The following SENP7 variants were observed in gnomAD, a reference collection of about 807,000 sequenced individuals.
SENP7 encodes the protein SUMO specific peptidase 7, also known as sentrin-specific protease 7.
SENP7 carries 64 observed loss-of-function variants against 141.2 expected under a neutral mutation model. The observed-to-expected ratio is 0.45, with a 90% confidence interval of 0.37 to 0.56. The LOEUF (loss-of-function observed/expected upper bound fraction) is 0.56. SENP7 is among the 20% of genes least tolerant of loss of function. SENP7 has a pLI of 0.00. For missense variants in SENP7, 1,025 were observed against 1,212.2 expected, an observed-to-expected ratio of 0.85 and a Z score of 2.29; for synonymous variants, 382 against 426.4, an observed-to-expected ratio of 0.90 and a Z score of 1.28.
Position 101,479,071 on chromosome 3 carries a change from T to C in SENP7, c.186+14802A>G, listed in dbSNP as rs114748591. ...ATACCTCAGCAGGATAAAGGTCATA[T>C]ATTACAAATCCACAGCTAACATCAC... On this transcript the variant is annotated intron_variant, in intron 3 of 23. Transcript: ENST00000394095. Among the ~76,000 whole-genome samples the C allele has an allele frequency of 4.8e-3, 738 of 152,274 alleles. 5 individuals carry two copies. The highest frequency in any genetic ancestry group is 0.017 in the African/African-American group (711 of 41,548).
chr3:101,350,256 A>G (rs2059579492), intron 12 of SENP7, among the ~76,000 whole-genome samples: 1 of 152,132 alleles, frequency 6.6e-6, no homozygotes, highest in Non-Finnish European at 1.5e-5. Context: ...TTACTTCTGG[A>G]TTTCTTCTAT....
At chr3:101,451,879 A>T (rs1200353144) in intron 4 of SENP7, among the ~76,000 whole-genome samples, 1 of 152,172 alleles carries the variant, frequency 6.6e-6, no homozygotes, top group Admixed American at 6.5e-5. Context: ...CAGGCAAGAG[A>T]AGGAAATAAA....
At chr3:101,474,497 T>C (rs1446592985) in intron 3 of SENP7, among the ~76,000 whole-genome samples, 2 of 152,188 alleles carry the variant, frequency 1.3e-5, no homozygotes, top group African/African-American at 4.8e-5. Context: ...TGTTGGTATA[T>C]AGGAGTGCTA....
At position 101,366,537 on chromosome 3, in the gene SENP7, C is replaced by A; in HGVS notation, c.1211G>T (p.Gly404Val). 6.2e-7 allele frequency: 1 copy of A among 1,613,756 alleles called. No individual in the cohort carries two copies. Among genetic ancestry groups the A allele is most frequent in the Non-Finnish European group, 8.5e-7 (1 of 1,179,754 alleles). ...VENSNSIDIVGISSLVEKDEN... is the reference protein window; with the variant it reads ...VENSNSIDIVVISSLVEKDEN... Reference sequence around the variant, plus strand: ...ATCCTTCTCAACCAGGGAAGAAATCCCCACAATATCAATGGAATTAGAGTT... The same window carrying A: ...ATCCTTCTCAACCAGGGAAGAAATCACCACAATATCAATGGAATTAGAGTT... The change falls in exon 9 of 24, where the codon GGG becomes GTG. Residue 404 changes from glycine to valine, a missense_variant. Physicochemically the swap from Gly to Val is moderately radical, Grantham distance 109. Around this residue, in one of 4 missense-constraint regions of SENP7, gnomAD observed 496 missense variants for 503.5 expected, o/e 0.99. Transcript: ENST00000394095.
At chr3:101,344,690 T>C (rs2059409298) in intron 13 of SENP7, among the ~76,000 whole-genome samples, 2 of 152,130 alleles carry the variant, frequency 1.3e-5, no homozygotes, top group Admixed American at 1.3e-4. Context: ...TAGGTGCATA[T>C]GGGAAAGTAT....
intron 11 of SENP7, among the ~76,000 whole-genome samples, chr3:101,353,066 G>A (rs1202117842): frequency 6.6e-6 from 1 of 151,852 alleles, no homozygotes; most frequent in African/African-American, 2.4e-5. Context: ...CAAGGAAGTT[G>A]TTATCATTAG....
Position 101,343,807 on chromosome 3 carries a change from G to A in SENP7, c.1985C>T (p.Pro662Leu). ...TTTTGAAGAGAGGTTCTGAAACAAA[G>A]GAAATGCCTGAACCCAAGACAACGG... is the stretch of plus-strand genomic sequence containing the variant. ...SYPLSWVQAF[P>L]LFQNLSSKES... The change falls in exon 14 of 24, where the codon CCT becomes CTT. Residue 662 changes from proline (P) to leucine (L), a missense_variant. This residue lies in a region of SENP7 where 295 missense variants were observed against 459.1 expected (regional missense o/e 0.64). Transcript: ENST00000394095. 6.2e-7 allele frequency: 1 copy of A among 1,613,846 alleles called. No homozygotes were observed. Among genetic ancestry groups the A allele is most frequent in the Non-Finnish European group, 8.5e-7 (1 of 1,179,910 alleles).
At chr3:101,479,281 G>A (rs963537185) in intron 3 of SENP7, among the ~76,000 whole-genome samples, 2 of 152,142 alleles carry the variant, frequency 1.3e-5, no homozygotes, top group Non-Finnish European at 2.9e-5. Flanking sequence ...CAGAAGACAC[G>A]ATCTTATATT....
In SENP7 at chr3:101,327,692, A is replaced by G. The variant is rs368767760; in HGVS notation, c.2989T>C (p.Leu997=). The G allele has an allele frequency of 1.9e-5, 31 of 1,606,780 alleles. No individual in the cohort carries two copies. Among genetic ancestry groups the G allele is most frequent in the Non-Finnish European group, 2.2e-5 (26 of 1,177,282 alleles). ...DNSSDCGVYL[L]QYVESFFKDP... is the part of the protein sequence containing the mutation. ...TTGAAGAAGCTTTCCACATACTGCA[A>G]TAAATATACTCCACAATCACTGCTA... is the stretch of plus-strand genomic sequence containing the variant. The change falls in exon 23 of 24, where the codon TTG becomes CTG. Residue 997 remains leucine, a synonymous_variant. Transcript: ENST00000394095.
intron 4 of SENP7, among the ~76,000 whole-genome samples, chr3:101,435,688 G>A (rs1389217067): frequency 6.6e-6 from 1 of 151,776 alleles, no homozygotes; most frequent in Admixed American, 6.6e-5. Flanking sequence ...TACAATAATA[G>A]CCACATATAA....
At chr3:101,456,383 A>G (rs2063351878) in intron 4 of SENP7, among the ~76,000 whole-genome samples, 1 of 152,164 alleles carries the variant, frequency 6.6e-6, no homozygotes, top group Admixed American at 6.5e-5. Context: ...TTCTTTATTA[A>G]GAAGATGGTG....
chr3:101,367,000 A>G (rs1377635269), intron 8 of SENP7, among the ~76,000 whole-genome samples: 1 of 152,164 alleles, frequency 6.6e-6, no homozygotes, highest in Non-Finnish European at 1.5e-5. Flanking sequence ...AAATTGGGAG[A>G]TTTCCATCAT....
intron 4 of SENP7, among the ~76,000 whole-genome samples, chr3:101,455,980 A>G (rs775834214): frequency 6.6e-6 from 1 of 152,180 alleles, no homozygotes; most frequent in African/African-American, 2.4e-5. Context: ...GCCTGCTCCT[A>G]GCTTAAGACA....
intron 2 of SENP7, among the ~76,000 whole-genome samples, chr3:101,499,535 A>ATTTTTTTTTTTTTTTTTTTT (rs55855998): frequency 9.2e-4 from 127 of 138,756 alleles, no homozygotes; most frequent in Non-Finnish European, 1.2e-3. Context: ...TGCCCAGCTA[A>ATTTTTTTTTTTTTTTTTTTT]TTTTTTTTTT....
chr3:101,476,865 T>C (rs2064239266), intron 3 of SENP7, among the ~76,000 whole-genome samples: 1 of 152,250 alleles, frequency 6.6e-6, no homozygotes, highest in Non-Finnish European at 1.5e-5. Context: ...TGATGAGCTT[T>C]TTTTCATGTT....
intron 3 of SENP7, among the ~76,000 whole-genome samples, chr3:101,484,230 GAC>G (rs2064628446): frequency 6.6e-6 from 1 of 152,160 alleles, no homozygotes; most frequent in Admixed American, 6.5e-5. Flanking sequence ...GCTCTGGAAA[GAC>G]AATGTCAAGA....
chr3:101,339,258 A>G (rs1261402368), intron 16 of SENP7, among the ~76,000 whole-genome samples: 1 of 152,226 alleles, frequency 6.6e-6, no homozygotes, highest in Non-Finnish European at 1.5e-5. Context: ...TAAGATTATA[A>G]TAAATTTGGT....
chr3:101,461,097 A>C (rs140679461), intron 3 of SENP7, among the ~76,000 whole-genome samples: 5 of 151,438 alleles, frequency 3.3e-5, no homozygotes, highest in African/African-American at 9.8e-5. Context: ...CAGTGTCATT[A>C]GTCATTAGGA....
intron 4 of SENP7, 110 bp downstream of exon 4, chr3:101,458,845 T>C: frequency 6.2e-6 from 4 of 640,130 alleles, no homozygotes; most frequent in Non-Finnish European, 1.1e-5. Context: ...AATTCAAACC[T>C]TCTATTTTAA....
Sources: allele counts gnomAD v4.1 joint callset (sites outside exome capture counted in the v4.1 genomes callset), GRCh38; gene constraint gnomAD v4.1.1; regional missense constraint gnomAD v4.1.1; transcripts MANE v1.5; gene names NCBI Gene and HGNC (gene_info 2026-07-23, HGNC 2026-07-21).